KCNC2: variants seen among roughly 807,000 people sequenced by gnomAD.
The protein encoded by KCNC2 is potassium voltage-gated channel subfamily C member 2.
A neutral mutation model predicts 44.5 loss-of-function variants in KCNC2; 21 were observed. That is an observed-to-expected ratio of 0.47 (90% confidence interval 0.33 to 0.68). The LOEUF is 0.68. KCNC2 is among the 30% of genes least tolerant of loss of function. KCNC2 has a pLI of 0.01. For synonymous variants in KCNC2, 391 were observed against 339.1 expected, an observed-to-expected ratio of 1.15 and a Z score of -1.68; for missense variants, 589 against 826.2, an observed-to-expected ratio of 0.71 and a Z score of 3.52.
intron 2 of KCNC2, among the ~76,000 whole-genome samples, chr12:75,093,919 G>T (rs1885703669): frequency 6.6e-6 from 1 of 151,620 alleles, no homozygotes; most frequent in Non-Finnish European, 1.5e-5. Context: ...TTATATTTAG[G>T]TTGGTGAAAA....
intron 2 of KCNC2, among the ~76,000 whole-genome samples, chr12:75,107,016 T>C (rs1886839196): frequency 6.6e-6 from 1 of 151,596 alleles, no homozygotes; most frequent in Non-Finnish European, 1.5e-5. Flanking sequence ...AAAAGTAATA[T>C]CATGGGGGCT....
At chr12:75,060,456 T>G (rs1882198675) in intron 2 of KCNC2, among the ~76,000 whole-genome samples, 1 of 151,966 alleles carries the variant, frequency 6.6e-6, no homozygotes. Flanking sequence ...TATGGAATGT[T>G]CTTTTAAAAA....
At chr12:75,189,246 G>T (rs112691374) in intron 2 of KCNC2, among the ~76,000 whole-genome samples, 52 of 152,274 alleles carry the variant, frequency 3.4e-4, no homozygotes, top group African/African-American at 1.2e-3. Flanking sequence ...TTGTTTTTCA[G>T]TCATTAGTGT....
chr12:75,136,398 C>A (rs1889232503), intron 2 of KCNC2, among the ~76,000 whole-genome samples: 1 of 151,814 alleles, frequency 6.6e-6, no homozygotes, highest in Non-Finnish European at 1.5e-5. Flanking sequence ...AAATTTGGTT[C>A]TTTGAAAAGA....
chr12:75,115,515 A>C (rs912609184), intron 2 of KCNC2, among the ~76,000 whole-genome samples: 2 of 152,186 alleles, frequency 1.3e-5, no homozygotes, highest in African/African-American at 4.8e-5. Flanking sequence ...ATCAAAAACA[A>C]AGTTTGTCCC....
At chr12:75,204,002 A>C (rs1267760266) in intron 2 of KCNC2, among the ~76,000 whole-genome samples, 1 of 151,982 alleles carries the variant, frequency 6.6e-6, no homozygotes, top group Non-Finnish European at 1.5e-5. Flanking sequence ...GAAAATATAC[A>C]GTGCATCACA....
chr12:75,186,653 C>A (rs2137680931), intron 2 of KCNC2, among the ~76,000 whole-genome samples: 1 of 152,234 alleles, frequency 6.6e-6, no homozygotes, highest in Admixed American at 6.5e-5. Context: ...TATTGAGAAA[C>A]AATTTTGCCA....
In KCNC2 at chr12:75,113,311, A is replaced by C. The variant is rs568380037; in HGVS notation, c.688-61994T>G. On this transcript the variant is annotated intron_variant, in intron 2 of 4. Coordinates refer to ENST00000549446, the MANE Select transcript of KCNC2 (RefSeq NM_139137.4). ...AGTAAGGTAAACATACTTAAGTTTCATAATAAAAGACCTCAATACTATCTC... is the reference window on the plus strand; with the variant it reads ...AGTAAGGTAAACATACTTAAGTTTCCTAATAAAAGACCTCAATACTATCTC... 2.6e-5 allele frequency among the ~76,000 whole-genome samples: 4 copies of C among 152,320 alleles called. No homozygotes were observed. The South Asian group carries it at 8.3e-4, about 32-fold the overall frequency.
At chr12:75,102,962 C>A (rs186477657) in intron 2 of KCNC2, among the ~76,000 whole-genome samples, 1 of 152,090 alleles carries the variant, frequency 6.6e-6, no homozygotes, top group East Asian at 1.9e-4. Context: ...GTAACTAATA[C>A]TTTCCTCAGA....
intron 2 of KCNC2, among the ~76,000 whole-genome samples, chr12:75,191,032 G>T (rs2030154446): frequency 6.6e-6 from 1 of 152,068 alleles, no homozygotes. Context: ...ACTAAAAGTA[G>T]TAGCTTACTC....
At chr12:75,191,546 T>A (rs2030253167) in intron 2 of KCNC2, among the ~76,000 whole-genome samples, 2 of 57,078 alleles carry the variant, frequency 3.5e-5, no homozygotes. Flanking sequence ...TTTTTTTTTT[T>A]TTTTTTTTTT....
intron 2 of KCNC2, among the ~76,000 whole-genome samples, chr12:75,122,574 TG>T (rs1485915962): frequency 3.9e-5 from 6 of 152,310 alleles, no homozygotes; most frequent in Admixed American, 2.0e-4. Flanking sequence ...CTCCTCCACA[TG>T]GCTTTAGAAT....
At position 75,200,836 on chromosome 12, in the gene KCNC2, A is replaced by G. The variant is rs367944493; in HGVS notation, c.687+6461T>C. On this transcript the variant is annotated intron_variant, in intron 2 of 4. Coordinates refer to ENST00000549446, the MANE Select transcript of KCNC2 (RefSeq NM_139137.4). ...TCTAATAGAATGGGTTATGGAAGAG[A>G]TTAGAATTGAATAATTTGACACTAT... is the stretch of plus-strand genomic sequence containing the variant. Among the ~76,000 whole-genome samples, 6 of 151,764 alleles carry G rather than the reference A, an allele frequency of 4.0e-5. No homozygotes were observed. In the South Asian group the frequency reaches 1.0e-3, roughly 26 times the overall value.
At chr12:75,051,936 A>C (rs1249980095) in intron 2 of KCNC2, among the ~76,000 whole-genome samples, 1 of 152,082 alleles carries the variant, frequency 6.6e-6, no homozygotes, top group Admixed American at 6.6e-5. Context: ...ATAAGACTGA[A>C]AGGAGAAAAA....
chr12:75,181,516 G>A (rs896390164), intron 2 of KCNC2, among the ~76,000 whole-genome samples: 1 of 152,080 alleles, frequency 6.6e-6, no homozygotes, highest in African/African-American at 2.4e-5. Context: ...AGGCTGCTGA[G>A]GGTTCCCTAA....
At chr12:75,150,142 C>T (rs1424153971) in intron 2 of KCNC2, among the ~76,000 whole-genome samples, 1 of 151,812 alleles carries the variant, frequency 6.6e-6, no homozygotes, top group African/African-American at 2.4e-5. Flanking sequence ...CCTATACAAG[C>T]TTTACTCATA....
Position 75,207,980 on chromosome 12 carries a change from C to A in KCNC2, c.4G>T (p.Gly2Cys). The A allele has an allele frequency of 6.2e-7, 1 of 1,612,314 alleles. No individual in the cohort carries two copies. Among genetic ancestry groups the A allele is most frequent in the Non-Finnish European group, 8.5e-7 (1 of 1,179,778 alleles). Reference sequence around the variant, plus strand: ...ACCCTCTCGTTGTTCTCGATCTTGCCCATCTCTGTGACTCAGACATGACTA... The same window carrying A: ...ACCCTCTCGTTGTTCTCGATCTTGCACATCTCTGTGACTCAGACATGACTA... The part of the protein sequence containing the change: M[G>C]KIENNERVIL... The change falls in exon 2 of 5, where the codon GGC becomes TGC. Residue 2 changes from glycine (G) to cysteine (C), a missense_variant. Gly to Cys is a radical substitution (Grantham distance 159). Coordinates refer to ENST00000549446, the MANE Select transcript of KCNC2 (RefSeq NM_139137.4). This position sits in a 1 kb window ranked among gnomAD's most constrained non-coding sequence, Gnocchi z 4.1.
At chr12:75,184,991 A>G (rs1892837441) in intron 2 of KCNC2, among the ~76,000 whole-genome samples, 1 of 152,228 alleles carries the variant, frequency 6.6e-6, no homozygotes. Context: ...ACATGAATGC[A>G]GGCTCTATCT....
chr12:75,183,351 A>T (rs1157032779), intron 2 of KCNC2, among the ~76,000 whole-genome samples: 1 of 152,224 alleles, frequency 6.6e-6, no homozygotes, highest in African/African-American at 2.4e-5. Flanking sequence ...TACAACCAGG[A>T]TCCTTTCTAA....
Sources: allele counts gnomAD v4.1 joint callset (sites outside exome capture counted in the v4.1 genomes callset), GRCh38; gene constraint gnomAD v4.1.1; non-coding constraint Gnocchi (gnomAD v3.1); transcripts MANE v1.5; gene names NCBI Gene and HGNC (gene_info 2026-07-23, HGNC 2026-07-21).